HSD17B12: variants seen among roughly 807,000 people sequenced by gnomAD.
HSD17B12 encodes very-long-chain 3-oxoacyl-CoA reductase.
A neutral mutation model predicts 39.3 loss-of-function variants in HSD17B12; 32 were observed. The observed-to-expected ratio is 0.81, with a 90% CI of 0.61 to 1.09. The LOEUF is 1.09. Ranked by LOEUF, HSD17B12 falls within the 50% of genes least tolerant of loss-of-function variation. The probability of loss-of-function intolerance (pLI) is 0.00; values close to 1 mark genes in which losing one functional copy is unlikely to be tolerated. For missense variants in HSD17B12, 342 were observed against 382.9 expected, an observed-to-expected ratio of 0.89 and a Z score of 0.89; for synonymous variants, 150 against 146.7, an observed-to-expected ratio of 1.02 and a Z score of -0.16.
At chr11:43,660,493 T>G in the HSD17B12 span, among the ~76,000 whole-genome samples, 1 of 152,186 alleles carries the variant, frequency 6.6e-6, no homozygotes, top group Non-Finnish European at 1.5e-5. Context: ...TTGAATTAAC[T>G]AACACTAATT....
At chr11:43,563,882 G>A in the HSD17B12 span, among the ~76,000 whole-genome samples, 7 of 152,078 alleles carry the variant, frequency 4.6e-5, 1 homozygote, top group African/African-American at 1.7e-4. Flanking sequence ...GAGAAGAACA[G>A]CCTTCTTTTA....
the HSD17B12 span, among the ~76,000 whole-genome samples, chr11:43,650,076 C>T: frequency 6.6e-6 from 1 of 152,160 alleles, no homozygotes; most frequent in African/African-American, 2.4e-5. Context: ...CCCATAAAAT[C>T]ATGAGCCAAA....
intron 1 of HSD17B12, among the ~76,000 whole-genome samples, chr11:43,715,924 G>A (rs1378834503): frequency 1.3e-5 from 2 of 152,078 alleles, no homozygotes; most frequent in Non-Finnish European, 1.5e-5. Flanking sequence ...ATCTGGGATT[G>A]AATTATGACT....
At chr11:43,606,763 G>A in the HSD17B12 span, among the ~76,000 whole-genome samples, 1 of 152,214 alleles carries the variant, frequency 6.6e-6, no homozygotes. Context: ...TATGTGAAAG[G>A]GAGAGGAAGT....
intron 6 of HSD17B12, among the ~76,000 whole-genome samples, chr11:43,819,876 C>T (rs1389592695): frequency 1.3e-5 from 2 of 152,174 alleles, no homozygotes; most frequent in African/African-American, 4.8e-5. Context: ...AGCATCCCTT[C>T]ATTTATCTTT....
At chr11:43,737,869 C>T (rs1003979945) in intron 1 of HSD17B12, among the ~76,000 whole-genome samples, 1 of 151,922 alleles carries the variant, frequency 6.6e-6, no homozygotes, top group African/African-American at 2.4e-5. Flanking sequence ...GTCAGGAGAT[C>T]GAGACCATCC....
At chr11:43,712,112 T>C (rs781432669) in intron 1 of HSD17B12, among the ~76,000 whole-genome samples, 61 of 152,182 alleles carry the variant, frequency 4.0e-4, no homozygotes, top group Non-Finnish European at 7.2e-4. Flanking sequence ...GCCTGCTACT[T>C]GGAGGCTTTG....
chr11:43,631,325 A>C, the HSD17B12 span, among the ~76,000 whole-genome samples: 3 of 152,182 alleles, frequency 2.0e-5, no homozygotes, highest in African/African-American at 7.2e-5. Context: ...GTATTTAATA[A>C]GAGAGCTCTG....
intron 3 of HSD17B12, among the ~76,000 whole-genome samples, chr11:43,765,195 T>G (rs1950584894): frequency 6.6e-6 from 1 of 152,168 alleles, no homozygotes; most frequent in South Asian, 2.1e-4. Context: ...AGGTCTTCCT[T>G]TAACATTTCT....
At chr11:43,662,436 G>C in the HSD17B12 span, among the ~76,000 whole-genome samples, 3 of 140,704 alleles carry the variant, frequency 2.1e-5, no homozygotes, top group African/African-American at 7.9e-5. Flanking sequence ...GTAGAGGCAG[G>C]GTTTCACCAT....
chr11:43,632,750 A>G, the HSD17B12 span, among the ~76,000 whole-genome samples: 1 of 152,186 alleles, frequency 6.6e-6, no homozygotes, highest in Non-Finnish European at 1.5e-5. Context: ...AAGTTATCAT[A>G]GGTACAATGT....
At chr11:43,568,333 C>T in the HSD17B12 span, among the ~76,000 whole-genome samples, 1 of 152,022 alleles carries the variant, frequency 6.6e-6, no homozygotes, top group African/African-American at 2.4e-5. Context: ...GATCTTCTGA[C>T]CTCAAGTGAT....
the HSD17B12 span, among the ~76,000 whole-genome samples, chr11:43,668,614 G>A: frequency 6.6e-6 from 1 of 151,956 alleles, no homozygotes; most frequent in Non-Finnish European, 1.5e-5. Flanking sequence ...TCAAACATTT[G>A]AAATAAACAT....
intron 4 of HSD17B12, among the ~76,000 whole-genome samples, chr11:43,814,165 T>A (rs1187041108): frequency 1.2e-5 from 1 of 80,020 alleles, no homozygotes; most frequent in Non-Finnish European, 2.6e-5. Flanking sequence ...GTTATTATGA[T>A]TTTTTTTTTT....
At chr11:43,839,093 A>G (rs145617215) in intron 8 of HSD17B12, among the ~76,000 whole-genome samples, 2 of 152,242 alleles carry the variant, frequency 1.3e-5, no homozygotes, top group African/African-American at 4.8e-5. Context: ...CTGAAGGGAA[A>G]ATGATCACTT....
chr11:43,662,377 T>TTGTGTGTGTGTG, the HSD17B12 span, among the ~76,000 whole-genome samples: 1,112 of 128,484 alleles, frequency 8.7e-3, 8 homozygotes, highest in African/African-American at 0.011. Context: ...TTTATTTTAT[T>TTGTGTGTGTGTG]TGTGTGTGTG....
At chr11:43,834,455 C>T (rs966553638) in intron 7 of HSD17B12, among the ~76,000 whole-genome samples, 1 of 151,964 alleles carries the variant, frequency 6.6e-6, no homozygotes, top group African/African-American at 2.4e-5. Context: ...CCTGCAGTTC[C>T]GGTTCCTCAT....
the HSD17B12 span, among the ~76,000 whole-genome samples, chr11:43,587,288 A>G: frequency 2.5e-4 from 38 of 149,730 alleles, 1 homozygote; most frequent in South Asian, 8.1e-3. Flanking sequence ...ATCTGTTTAA[A>G]GCTATGGACC....
intron 6 of HSD17B12, among the ~76,000 whole-genome samples, chr11:43,821,207 C>T (rs1317888813): frequency 1.3e-5 from 2 of 152,182 alleles, no homozygotes; most frequent in Non-Finnish European, 2.9e-5. Flanking sequence ...TTCCTTTCTT[C>T]CCTCTCAGTG....
Sources: gnomAD v4.1 joint callset for allele counts (sites outside exome capture counted in the v4.1 genomes callset) on GRCh38, gnomAD v4.1.1 for gene constraint, MANE v1.5 for transcripts, NCBI Gene and HGNC (gene_info 2026-07-23, HGNC 2026-07-21) for gene names.